Variants in ITGAD observed in about 807,000 individuals in gnomAD.
ITGAD encodes the protein integrin alpha-D.
Under a neutral mutation model 139.0 loss-of-function variants are expected in ITGAD, and 105 were observed. The observed-to-expected ratio is 0.76, with a 90% CI of 0.65 to 0.89. The LOEUF is 0.89. ITGAD is among the 40% of genes least tolerant of loss of function. The pLI, the probability that ITGAD is intolerant of heterozygous loss-of-function variation, is 0.00. For missense variants in ITGAD, 1,384 were observed against 1,487.3 expected (o/e 0.93, Z 1.14); for synonymous variants, 569 against 598.3 (o/e 0.95, Z 0.71).
At position 31,397,897 on chromosome 16, in the gene ITGAD, G is replaced by A. The variant is rs1467270091; in HGVS notation, c.415G>A (p.Asp139Asn). The part of the protein sequence containing the change: ...SRWEIIQTVP[D>N]ATPECPHQEM... ...CTGGGAGATCATCCAGACAGTCCCC[G>A]ACGCCACGCCAGGTAGGTCCCTGGC... Residue 139 changes from aspartate to asparagine, a missense_variant, in exon 5 of 30, where the codon GAC becomes AAC. Transcript: ENST00000389202. The A allele has an allele frequency of 5.6e-6, 9 of 1,611,786 alleles. No individual in the cohort carries two copies. Among genetic ancestry groups the A allele is most frequent in the African/African-American group, 4.0e-5 (3 of 74,878 alleles).
intron 2 of ITGAD, 41 bp downstream of exon 2, chr16:31,394,382 C>A: frequency 2.7e-6 from 4 of 1,467,576 alleles, no homozygotes; most frequent in South Asian, 1.1e-5. Flanking sequence ...TCCACTACAT[C>A]AAGTCCTGTG....
chr16:31,426,488 A>G lies in ITGAD; in HGVS notation c.*360A>G, dbSNP rs2082117853. The G allele has an allele frequency of 4.0e-6, 1 of 250,194 alleles. No homozygotes were observed. The highest frequency in any genetic ancestry group is 5.1e-5 in the Admixed American group (1 of 19,642). 15.5% of individuals were successfully genotyped at this position (250,194 alleles called of 1,614,324 possible). A position where few individuals can be genotyped will look rare whatever the true frequency, so the allele number is the denominator to read the frequency against. Reference sequence around the variant, plus strand: ...GGGGGAACCTATTTGTGGGCATTGAAAAAGTTTTTTCACTTTCTATGGTGA... The same window carrying G: ...GGGGGAACCTATTTGTGGGCATTGAGAAAGTTTTTTCACTTTCTATGGTGA... On this transcript the variant is annotated 3_prime_UTR_variant, in exon 30 of 30. Coordinates refer to ENST00000389202, the MANE Select transcript of ITGAD (RefSeq NM_005353.3).
chr16:31,419,812 CAA>C (rs1202333629), intron 23 of ITGAD, among the ~76,000 whole-genome samples: 13 of 58,270 alleles, frequency 2.2e-4, no homozygotes, highest in Non-Finnish European at 2.6e-4. Flanking sequence ...GGCTCTGTCT[CAA>C]AAAAAAAAAA....
At position 31,423,602 on chromosome 16, in the gene ITGAD, C is replaced by T. The variant is rs371344454; in HGVS notation, c.2999C>T (p.Pro1000Leu). ...CCCTGTGTTTCAGAGAGAAAACCTC[C>T]CCAGCATTCTGACTTCCTGACCCAG... The part of the protein sequence containing the change: ...SLPCVSERKP[P>L]QHSDFLTQIS... The change falls in exon 26 of 30, where the codon CCC becomes CTC. Residue 1000 changes from proline to leucine, a missense_variant. Pro to Leu is a moderately conservative substitution (Grantham distance 98). Coordinates refer to ENST00000389202, the MANE Select transcript of ITGAD (RefSeq NM_005353.3). 6.8e-6 allele frequency: 11 copies of T among 1,613,992 alleles called. No individual in the cohort carries two copies. Among genetic ancestry groups the T allele is most frequent in the Non-Finnish European group, 9.3e-6 (11 of 1,179,988 alleles).
intron 5 of ITGAD, among the ~76,000 whole-genome samples, chr16:31,398,794 A>C (rs1052308525): frequency 6.6e-6 from 1 of 152,098 alleles, no homozygotes; most frequent in African/African-American, 2.4e-5. Context: ...TGAGGGATGA[A>C]AGTTCTGATG....
Position 31,403,427 on chromosome 16 carries a change from C to G in ITGAD, c.559-73C>G. On this transcript the variant is annotated intron_variant, in intron 6 of 29. Transcript: ENST00000389202. The surrounding 1 kb of genome is among the most constrained non-coding windows in gnomAD (Gnocchi z 4.4). ...AGGCCAGGAGTTTGAGAGACCCTGT[C>G]TCTACAAAAAATTAAAATAAAAACA... is the stretch of plus-strand genomic sequence containing the variant. 1 of 1,572,428 alleles carries G rather than the reference C, an allele frequency of 6.4e-7. No individual in the cohort carries two copies. Among genetic ancestry groups the G allele is most frequent in the Non-Finnish European group, 8.7e-7 (1 of 1,150,996 alleles).
chr16:31,424,892 T>G (rs1252910571), intron 29 of ITGAD, among the ~76,000 whole-genome samples: 2 of 151,218 alleles, frequency 1.3e-5, no homozygotes, highest in Admixed American at 1.3e-4. Flanking sequence ...AGCCACCTCA[T>G]CCGGCCTTAT....
rs756401257 is a variant in ITGAD at position 31,397,653 on chromosome 16, G to A, written c.299G>A (p.Gly100Asp). Reference sequence around the variant, plus strand: ...CTGACCCTGGCAGCCTCCACCAACGGCTCCCGGCTCCTGGTGAGTGAGTGT... The same window carrying A: ...CTGACCCTGGCAGCCTCCACCAACGACTCCCGGCTCCTGGTGAGTGAGTGT... ...LGLTLAASTN[G>D]SRLLACGPTL... is the part of the protein sequence containing the mutation. The change falls in exon 4 of 30, where the codon GGC becomes GAC. Residue 100 changes from glycine (G) to aspartate (D), a missense_variant. Coordinates refer to ENST00000389202, the MANE Select transcript of ITGAD (RefSeq NM_005353.3). The A allele has an allele frequency of 3.2e-6, 5 of 1,550,828 alleles. No homozygotes were observed. Among genetic ancestry groups the A allele is most frequent in the Non-Finnish European group, 4.3e-6 (5 of 1,149,948 alleles).
chr16:31,400,549 C>T (rs2081378448), intron 5 of ITGAD, among the ~76,000 whole-genome samples: 1 of 152,180 alleles, frequency 6.6e-6, no homozygotes, highest in African/African-American at 2.4e-5. Flanking sequence ...TGTTCATGTG[C>T]ATATGATGTG....
intron 5 of ITGAD, 60 bp downstream of exon 5, chr16:31,397,969 G>A (rs1204742034): frequency 5.3e-6 from 7 of 1,322,176 alleles, no homozygotes; most frequent in African/African-American, 1.4e-5. Flanking sequence ...AGGGTGAGCA[G>A]GCGTGAGGCC....
Position 31,403,222 on chromosome 16 carries a change from C to A in ITGAD, c.559-278C>A. On this transcript the variant is annotated intron_variant, in intron 6 of 29. Coordinates refer to ENST00000389202, the MANE Select transcript of ITGAD (RefSeq NM_005353.3). This position sits in a 1 kb window ranked among gnomAD's most constrained non-coding sequence, Gnocchi z 4.4. The stretch of plus-strand genomic sequence containing the variant: ...GGTGTGGTGGCTCACACCTGTAATC[C>A]CAGCACTTTGGGAGGCTGAGGTGGG... The A allele has an allele frequency of 2.9e-6, 1 of 341,364 alleles. No individual in the cohort carries two copies. Among genetic ancestry groups the A allele is most frequent in the Non-Finnish European group, 5.4e-6 (1 of 184,982 alleles). The allele number at this position is 341,364 out of a possible 1,614,324, so 21.1% of individuals were successfully genotyped here.
intron 3 of ITGAD, 34 bp downstream of exon 3, chr16:31,397,496 C>T (rs370526042): frequency 6.3e-7 from 1 of 1,576,516 alleles, no homozygotes; most frequent in African/African-American, 1.3e-5. Context: ...GCCCCTCAAC[C>T]CTCCTGGACC....
At chr16:31,423,787 T>A in intron 26 of ITGAD, 58 bp from the exon 27 acceptor site, 9 of 1,589,068 alleles carry the variant, frequency 5.7e-6, no homozygotes, top group Non-Finnish European at 7.8e-6. Context: ...CCATATTTTT[T>A]CCTATGGCTC....
At chr16:31,414,632 G>T in intron 17 of ITGAD, 27 bp downstream of exon 17, 1 of 1,612,866 alleles carries the variant, frequency 6.2e-7, no homozygotes. Flanking sequence ...CTGGGAAGGG[G>T]GAGAGAGGAG....
Position 31,416,616 on chromosome 16 carries a change from G to T in ITGAD, c.2469G>T (p.Gly823=). The T allele has an allele frequency of 6.2e-7, 1 of 1,612,146 alleles. No individual in the cohort carries two copies. Among genetic ancestry groups the T allele is most frequent in the East Asian group, 2.2e-5 (1 of 44,796 alleles). ...TGGTCAGCCTCTACTATCCAGCAGG[G>T]CTGTCGCACCGACGGGTGTCAGGAG... ...GTVVSLYYPA[G]LSHRRVSGAQ... Residue 823 remains glycine (G), a synonymous_variant, in exon 20 of 30, where the codon GGG becomes GGT. Transcript: ENST00000389202.
chr16:31,406,221 C>T (rs916669275), intron 7 of ITGAD, among the ~76,000 whole-genome samples: 3 of 152,018 alleles, frequency 2.0e-5, no homozygotes, highest in Admixed American at 6.6e-5. Context: ...ATTACAGGCA[C>T]GCGCCACCAT....
intron 16 of ITGAD, among the ~76,000 whole-genome samples, 160 bp downstream of exon 16, chr16:31,413,406 T>C (rs78656641): frequency 2.2e-4 from 34 of 152,170 alleles, no homozygotes; most frequent in African/African-American, 7.5e-4. Context: ...TCCTCACACC[T>C]GGGCCTGTGG....
At position 31,411,477 on chromosome 16, in the gene ITGAD, A is replaced by C; in HGVS notation, c.1667A>C (p.His556Pro). 6.2e-7 allele frequency: 1 copy of C among 1,614,070 alleles called. No homozygotes were observed. Among genetic ancestry groups the C allele is most frequent in the East Asian group, 2.2e-5 (1 of 44,874 alleles). Residue 556 changes from histidine to proline, a missense_variant, in exon 14 of 30, where the codon CAC (histidine) becomes CCC (proline). Physicochemically the swap from His to Pro is moderately conservative, Grantham distance 77 (BLOSUM62 -2). Transcript: ENST00000389202. ...AACCGGGGTGCTGTCTACCTGTTTC[A>C]CGGAGCCTCAGAATCCGGCATCAGC... Reference protein sequence around the residue: ...QENRGAVYLFHGASESGISPS... With the variant: ...QENRGAVYLFPGASESGISPS...
chr16:31,422,908 C>G (rs2082034486), intron 23 of ITGAD, among the ~76,000 whole-genome samples: 1 of 152,136 alleles, frequency 6.6e-6, no homozygotes, highest in African/African-American at 2.4e-5. Context: ...CCCAGCTGGT[C>G]TGGAACTCCT....
Sources: gnomAD v4.1 joint callset for allele counts (sites outside exome capture counted in the v4.1 genomes callset) on GRCh38, gnomAD v4.1.1 for gene constraint, Gnocchi (gnomAD v3.1) non-coding constraint, MANE v1.5 for transcripts, NCBI Gene and HGNC (gene_info 2026-07-23, HGNC 2026-07-21) for gene names.